Variants in UNC13B observed in about 807,000 individuals in gnomAD.
UNC13B encodes the protein unc-13 homolog B.
A neutral mutation model predicts 211.0 loss-of-function variants in UNC13B; 144 were observed. That is an observed-to-expected ratio of 0.68 (90% CI 0.60 to 0.78). The LOEUF is 0.78. Ranked by LOEUF, UNC13B falls within the 30% of genes least tolerant of loss-of-function variation. UNC13B has a pLI of 0.00. For missense variants in UNC13B, 1,777 were observed against 2,002.0 expected (o/e 0.89, Z 2.14); for synonymous variants, 709 against 725.8 (o/e 0.98, Z 0.37).
At chr9:35,343,512 G>A (rs1832151078) in intron 11 of UNC13B, among the ~76,000 whole-genome samples, 1 of 152,160 alleles carries the variant, frequency 6.6e-6, no homozygotes, top group African/African-American at 2.4e-5. Flanking sequence ...AGGGAGAAAA[G>A]CTCTCATCTT....
At chr9:35,393,162 C>T (rs1407582675) in intron 26 of UNC13B, among the ~76,000 whole-genome samples, 3 of 152,146 alleles carry the variant, frequency 2.0e-5, no homozygotes, top group African/African-American at 7.2e-5. Flanking sequence ...GTCTAGAAAA[C>T]AGTCGTATAA....
intron 11 of UNC13B, 114 bp from the exon 12 acceptor site, chr9:35,366,833 A>G (rs956874897): frequency 1.7e-5 from 15 of 859,194 alleles, no homozygotes; most frequent in Non-Finnish European, 2.1e-5. Context: ...CTGTCACCAC[A>G]TGGTGAATGT....
Position 35,380,532 on chromosome 9 carries a change from A to G in UNC13B, c.10268A>G (p.Lys3423Arg), listed in dbSNP as rs1370383322. Residue 3423 changes from lysine (K) to arginine (R), a missense_variant, in exon 18 of 40, where the codon AAG becomes AGG. By Grantham distance (26) the Lys-to-Arg change is conservative (BLOSUM62 2). Transcript: ENST00000635942. ...GTATGGGATGAGGATGATGACATCA[A>G]GTCAAGAGTAAAGCAACGCCTAAAG... ...VRVWDEDDDI[K>R]SRVKQRLKRE... The G allele has an allele frequency of 6.2e-7, 1 of 1,614,252 alleles. No homozygotes were observed. The highest frequency in any genetic ancestry group is 1.7e-5 in the Admixed American group (1 of 60,036).
intron 11 of UNC13B, chr9:35,352,586 A>G: frequency 8.1e-7 from 1 of 1,232,168 alleles, no homozygotes; most frequent in South Asian, 4.1e-5. Context: ...CATAACAGGA[A>G]CATATCAGAT....
chr9:35,186,025 C>A (rs979208689), intron 1 of UNC13B, among the ~76,000 whole-genome samples: 1 of 151,980 alleles, frequency 6.6e-6, no homozygotes, highest in African/African-American at 2.4e-5. Flanking sequence ...CCAAAGAAAC[C>A]TGAAAAACTA....
intron 7 of UNC13B, among the ~76,000 whole-genome samples, chr9:35,291,940 C>G (rs1389335039): frequency 6.6e-6 from 1 of 152,064 alleles, no homozygotes; most frequent in African/African-American, 2.4e-5. Context: ...GCCTAGTGTT[C>G]CATTATTGGA....
At chr9:35,168,354 C>A (rs1821155657) in intron 1 of UNC13B, among the ~76,000 whole-genome samples, 1 of 152,318 alleles carries the variant, frequency 6.6e-6, no homozygotes, top group African/African-American at 2.4e-5. Context: ...CCCAGGTAAT[C>A]AGCATAATAC....
At chr9:35,351,317 TCCA>T in intron 11 of UNC13B, 1 of 1,217,718 alleles carries the variant, frequency 8.2e-7, no homozygotes, top group Non-Finnish European at 1.0e-6. Context: ...CAAGCCAGGA[TCCA>T]GGGGCATGTG....
intron 5 of UNC13B, 25 bp downstream of exon 5, chr9:35,237,851 A>G: frequency 6.3e-7 from 1 of 1,585,740 alleles, no homozygotes; most frequent in Non-Finnish European, 8.6e-7. Context: ...AAAACTATTT[A>G]ATAATTTTTA....
intron 7 of UNC13B, among the ~76,000 whole-genome samples, chr9:35,274,950 A>T (rs1272018891): frequency 6.6e-6 from 1 of 152,182 alleles, no homozygotes; most frequent in Admixed American, 6.5e-5. Context: ...CTTTTTGTTC[A>T]GTGTCCTCTA....
intron 1 of UNC13B, among the ~76,000 whole-genome samples, chr9:35,201,046 G>A (rs1235954399): frequency 6.6e-6 from 1 of 152,120 alleles, no homozygotes. Context: ...TTAGCATGAC[G>A]GGCTGTTGAA....
At chr9:35,208,059 T>C (rs1439599885) in intron 1 of UNC13B, among the ~76,000 whole-genome samples, 2 of 152,230 alleles carry the variant, frequency 1.3e-5, no homozygotes, top group African/African-American at 4.8e-5. Context: ...AAATACATCT[T>C]GGATATCTCT....
intron 1 of UNC13B, among the ~76,000 whole-genome samples, chr9:35,167,500 A>G (rs1428341087): frequency 6.6e-6 from 1 of 152,042 alleles, no homozygotes; most frequent in Non-Finnish European, 1.5e-5. Context: ...ATAAGCATAC[A>G]TAATTTAAAC....
intron 7 of UNC13B, among the ~76,000 whole-genome samples, chr9:35,261,016 T>C (rs537701621): frequency 9.8e-4 from 149 of 152,332 alleles, no homozygotes; most frequent in African/African-American, 3.4e-3. Flanking sequence ...GTTTACAGGC[T>C]ATTTTATTTT....
intron 11 of UNC13B, among the ~76,000 whole-genome samples, chr9:35,346,917 T>C (rs1832393002): frequency 6.6e-6 from 1 of 151,970 alleles, no homozygotes; most frequent in Non-Finnish European, 1.5e-5. Flanking sequence ...AAATGCTTAC[T>C]TTCTTTTTCA....
intron 1 of UNC13B, among the ~76,000 whole-genome samples, chr9:35,168,323 C>T (rs1443060208): frequency 2.0e-5 from 3 of 152,068 alleles, no homozygotes; most frequent in Non-Finnish European, 4.4e-5. Context: ...GCAGGGGTTT[C>T]ATATACAGAT....
chr9:35,378,319 C>A lies in UNC13B; in HGVS notation c.10088C>A (p.Ala3363Asp). 1 of 1,614,082 alleles carries A rather than the reference C, an allele frequency of 6.2e-7. No individual in the cohort carries two copies. The highest frequency in any genetic ancestry group is 1.3e-5 in the African/African-American group (1 of 74,998). The change falls in exon 17 of 40, where the codon GCC (alanine) becomes GAC (aspartate). Residue 3363 changes from alanine (A) to aspartate (D), a missense_variant. Physicochemically the swap from Ala to Asp is moderately radical, Grantham distance 126. Transcript: ENST00000635942. Reference sequence around the variant, plus strand: ...GTGGTGTGTGCCCAGGGCCTACAAGCCAAGGACAAAACAGGATCCAGTGAC... The same window carrying A: ...GTGGTGTGTGCCCAGGGCCTACAAGACAAGGACAAAACAGGATCCAGTGAC... ...ITVVCAQGLQ[A>D]KDKTGSSDPY...
chr9:35,297,545 G>GTTTTTTTTTTTTTTTTTTT (rs1344936605), intron 8 of UNC13B, among the ~76,000 whole-genome samples: 1 of 107,144 alleles, frequency 9.3e-6, no homozygotes, highest in African/African-American at 4.0e-5. Context: ...CACATACTTT[G>GTTTTTTTTTTTTTTTTTTT]TCTTTTTTTT....
intron 11 of UNC13B, among the ~76,000 whole-genome samples, chr9:35,347,224 A>T (rs905606253): frequency 6.6e-6 from 1 of 152,214 alleles, no homozygotes; most frequent in Admixed American, 6.5e-5. Flanking sequence ...CTTTTATTAT[A>T]ATATGTATCA....
Sources: allele counts gnomAD v4.1 joint callset (sites outside exome capture counted in the v4.1 genomes callset), GRCh38; gene constraint gnomAD v4.1.1; transcripts MANE v1.5; gene names NCBI Gene and HGNC (gene_info 2026-07-23, HGNC 2026-07-21).